The following NUGGC variants were observed in gnomAD, a reference collection of about 807,000 sequenced individuals.
The protein encoded by NUGGC is nuclear GTPase SLIP-GC.
In NUGGC, 58 loss-of-function variants were observed where a neutral mutation model predicts 92.6. The ratio of observed to expected loss-of-function variants is 0.63; its 90% CI spans 0.51 to 0.78. The LOEUF is 0.78. Among genes scored for constraint, NUGGC ranks in the 30% least tolerant of loss-of-function variants. The pLI is 0.00. For missense variants in NUGGC, 925 were observed against 964.6 expected (o/e 0.96, Z 0.54); for synonymous variants, 376 against 366.4 (o/e 1.03, Z -0.30).
intron 6 of NUGGC, among the ~76,000 whole-genome samples, chr8:28,067,125 G>A (rs1421150182): frequency 6.6e-6 from 1 of 152,180 alleles, no homozygotes; most frequent in East Asian, 1.9e-4. Context: ...CAGAGATGCT[G>A]ATGTTGGCAT....
chr8:28,029,304 C>A lies in NUGGC; in HGVS notation c.2116G>T (p.Ala706Ser). Residue 706 changes from alanine (A) to serine (S), a missense_variant, in exon 17 of 19, where the codon GCC (alanine) becomes TCC (serine). Transcript: ENST00000413272. Reference protein sequence around the residue: ...RQVAEGMFERAQERMQHQFQQ... With the variant: ...RQVAEGMFERSQERMQHQFQQ... The stretch of plus-strand genomic sequence containing the variant: ...AACTGGTGCTGCATCCTTTCCTGGG[C>A]CCTTTCAAACATGCCCTCAGCCACC... 1 of 1,607,778 alleles carries A rather than the reference C, an allele frequency of 6.2e-7. No homozygotes were observed. Among genetic ancestry groups the A allele is most frequent in the Admixed American group, 1.7e-5 (1 of 59,324 alleles).
chr8:28,083,728 A>T (rs143869164), intron 1 of NUGGC, 47 bp downstream of exon 1: 70 of 152,284 alleles, frequency 4.6e-4, no homozygotes, highest in Non-Finnish European at 9.1e-4. Context: ...ATTTTTAAAA[A>T]ATCAACCACA....
intron 10 of NUGGC, among the ~76,000 whole-genome samples, chr8:28,049,949 T>C (rs533579886): frequency 2.6e-5 from 4 of 151,510 alleles, no homozygotes; most frequent in Admixed American, 6.6e-5. Flanking sequence ...TAGTCGGGCA[T>C]GGAGGCACAC....
At chr8:28,026,096 A>G (rs962204430) in intron 18 of NUGGC, among the ~76,000 whole-genome samples, 5 of 152,144 alleles carry the variant, frequency 3.3e-5, no homozygotes, top group Admixed American at 6.5e-5. Flanking sequence ...ATTTCATGCC[A>G]CTACCTATAA....
rs200299828 is a variant in NUGGC at position 28,033,666 on chromosome 8, G to A, written c.1643C>T (p.Thr548Ile). ...RSKGNQGFHQ[T>I]LKAVCLKNGI... Reference sequence around the variant, plus strand: ...ATTTTTCAGGCAAACAGCTTTCAGGGTCTGATGAAAACCTTGGTTTCCTTT... The same window carrying A: ...ATTTTTCAGGCAAACAGCTTTCAGGATCTGATGAAAACCTTGGTTTCCTTT... The change falls in exon 14 of 19, where the codon ACC becomes ATC. Residue 548 changes from threonine to isoleucine, a missense_variant. Coordinates refer to ENST00000413272, the MANE Select transcript of NUGGC (RefSeq NM_001010906.2). The A allele has an allele frequency of 5.6e-6, 9 of 1,613,936 alleles. No homozygotes were observed. In the East Asian group the frequency reaches 1.1e-4, roughly 20 times the overall value.
intron 8 of NUGGC, among the ~76,000 whole-genome samples, chr8:28,058,479 C>T (rs1297079415): frequency 6.6e-6 from 1 of 152,094 alleles, no homozygotes; most frequent in Non-Finnish European, 1.5e-5. Context: ...GGCCAGCCAG[C>T]GTTTTGTCAG....
chr8:28,054,578 T>C (rs923135659), intron 10 of NUGGC, among the ~76,000 whole-genome samples: 3 of 152,196 alleles, frequency 2.0e-5, no homozygotes, highest in Non-Finnish European at 4.4e-5. Flanking sequence ...GAACACTAAG[T>C]GCAGCTCAGG....
intron 18 of NUGGC, among the ~76,000 whole-genome samples, chr8:28,025,072 C>A (rs1277195094): frequency 6.6e-6 from 1 of 152,222 alleles, no homozygotes; most frequent in Non-Finnish European, 1.5e-5. Context: ...TGCCTTCCAC[C>A]CACTGGGCTG....
At chr8:28,048,716 A>C (rs1168258679) in intron 10 of NUGGC, among the ~76,000 whole-genome samples, 1 of 152,092 alleles carries the variant, frequency 6.6e-6, no homozygotes, top group Non-Finnish European at 1.5e-5. Flanking sequence ...TACAAAAATT[A>C]GCCAGGCATG....
chr8:28,073,027 G>C (rs935797072), intron 2 of NUGGC, among the ~76,000 whole-genome samples: 4 of 148,466 alleles, frequency 2.7e-5, no homozygotes, highest in South Asian at 2.1e-4. Flanking sequence ...TTTTTGAGAC[G>C]AGGTCTCCAC....
chr8:28,033,583 G>C lies in NUGGC; in HGVS notation c.1726C>G (p.Pro576Ala). Reference sequence around the variant, plus strand: ...ACAGGGTCGATCTGGTCATAGACGGGCTGAGTGAGGGCTTCATTTAGATCA... The same window carrying C: ...ACAGGGTCGATCTGGTCATAGACGGCCTGAGTGAGGGCTTCATTTAGATCA... ...RIDLNEALTQ[P>A]VYDQIDPVFG... The change falls in exon 14 of 19, where the codon CCC (proline) becomes GCC (alanine). Residue 576 changes from proline to alanine, a missense_variant. Transcript: ENST00000413272. The C allele has an allele frequency of 6.2e-7, 1 of 1,613,996 alleles. No homozygotes were observed. The highest frequency in any genetic ancestry group is 8.5e-7 in the Non-Finnish European group (1 of 1,179,884).
At chr8:28,074,926 G>A (rs1031767296) in intron 1 of NUGGC, among the ~76,000 whole-genome samples, 2 of 152,094 alleles carry the variant, frequency 1.3e-5, no homozygotes, top group African/African-American at 2.4e-5. Context: ...ATGACAAAGC[G>A]AGACTCTGTC....
chr8:28,078,330 A>G (rs1810771672), intron 1 of NUGGC, among the ~76,000 whole-genome samples: 1 of 152,240 alleles, frequency 6.6e-6, no homozygotes, highest in African/African-American at 2.4e-5. Flanking sequence ...ATTTGCAAAA[A>G]GGCTAAGAGG....
Position 28,033,707 on chromosome 8 carries a change from C to T in NUGGC, c.1612-10G>A. The T allele has an allele frequency of 6.2e-7, 1 of 1,613,042 alleles. No individual in the cohort carries two copies. The highest frequency in any genetic ancestry group is 8.5e-7 in the Non-Finnish European group (1 of 1,179,368). ...GGTTTCCTTTACTCCTCTAGACAAT[C>T]AACAATAAATTAGCAGAGTTAGGCA... is the stretch of plus-strand genomic sequence containing the variant. On this transcript the variant is annotated splice_polypyrimidine_tract_variant and intron_variant, in intron 13 of 18. Coordinates refer to ENST00000413272, the MANE Select transcript of NUGGC (RefSeq NM_001010906.2).
Position 28,064,731 on chromosome 8 carries a change from C to A in NUGGC, c.712G>T (p.Ala238Ser), listed in dbSNP as rs763670893. Reference sequence around the variant, plus strand: ...TCCAGCTTGATGGACAGCTCTTCTGCCTGAAGAAGGAGGACAGAGTCACAC... The same window carrying A: ...TCCAGCTTGATGGACAGCTCTTCTGACTGAAGAAGGAGGACAGAGTCACAC... Reference protein sequence around the residue: ...SRVITLKAEEAEELSIKLDPY... With the variant: ...SRVITLKAEESEELSIKLDPY... Residue 238 changes from alanine (A) to serine (S), a missense_variant and splice_region_variant, in exon 7 of 19, where the codon GCA (alanine) becomes TCA (serine). Coordinates refer to ENST00000413272, the MANE Select transcript of NUGGC (RefSeq NM_001010906.2). 3 of 1,613,598 alleles carry A rather than the reference C, an allele frequency of 1.9e-6. No homozygotes were observed. The highest frequency in any genetic ancestry group is 2.5e-6 in the Non-Finnish European group (3 of 1,179,666).
At chr8:28,050,527 C>A (rs1357302171) in intron 10 of NUGGC, among the ~76,000 whole-genome samples, 1 of 151,530 alleles carries the variant, frequency 6.6e-6, no homozygotes, top group Non-Finnish European at 1.5e-5. Flanking sequence ...CAATCATGAC[C>A]CAGCTGGGTG....
intron 12 of NUGGC, among the ~76,000 whole-genome samples, chr8:28,042,265 G>T (rs1248972401): frequency 1.3e-5 from 2 of 152,088 alleles, no homozygotes; most frequent in African/African-American, 4.8e-5. Flanking sequence ...TCATAGTGTT[G>T]TTCCCCACAT....
chr8:28,082,003 T>C (rs1810862953), intron 1 of NUGGC, among the ~76,000 whole-genome samples: 1 of 152,166 alleles, frequency 6.6e-6, no homozygotes, highest in Non-Finnish European at 1.5e-5. Flanking sequence ...AAATTTAGAA[T>C]TTATTTCCTT....
At chr8:28,024,244 C>A (rs1809196741) in intron 18 of NUGGC, among the ~76,000 whole-genome samples, 1 of 149,324 alleles carries the variant, frequency 6.7e-6, no homozygotes, top group Non-Finnish European at 1.5e-5. Flanking sequence ...AGGGTTTCAC[C>A]ACGTTGGCCA....
Sources: gnomAD v4.1 joint callset for allele counts (sites outside exome capture counted in the v4.1 genomes callset) on GRCh38, gnomAD v4.1.1 for gene constraint, MANE v1.5 for transcripts, NCBI Gene and HGNC (gene_info 2026-07-23, HGNC 2026-07-21) for gene names.